Variants in SRP9 observed in about 807,000 individuals in gnomAD.
SRP9 encodes the protein signal recognition particle 9 kDa protein.
SRP9 carries 2 observed loss-of-function variants against 11.7 expected under a neutral mutation model. The ratio of observed to expected loss-of-function variants is 0.17; its 90% CI spans 0.07 to 0.54. SRP9 has a LOEUF of 0.54. Among genes scored for constraint, SRP9 ranks in the 20% least tolerant of loss-of-function variants. The pLI is 0.94. For missense variants in SRP9, 54 were observed against 108.1 expected, an observed-to-expected ratio of 0.50 and a Z score of 2.22; for synonymous variants, 27 against 35.6, an observed-to-expected ratio of 0.76 and a Z score of 0.86.
At chr1:225,782,308 C>T (rs1443007110) in intron 1 of SRP9, among the ~76,000 whole-genome samples, 2 of 152,064 alleles carry the variant, frequency 1.3e-5, no homozygotes, top group East Asian at 1.9e-4. Context: ...GGACTGCAGG[C>T]ACTCATCACC....
intron 2 of SRP9, among the ~76,000 whole-genome samples, chr1:225,787,975 A>G (rs961967423): frequency 3.3e-5 from 5 of 152,236 alleles, no homozygotes; most frequent in African/African-American, 1.2e-4. Flanking sequence ...TTATAGGATC[A>G]TTAGTTCCTG....
At position 225,777,859 on chromosome 1, in the gene SRP9, G is replaced by T; in HGVS notation, c.-82G>T. On this transcript the variant is annotated 5_prime_UTR_variant, in exon 1 of 3. Coordinates refer to ENST00000304786, the MANE Select transcript of SRP9 (RefSeq NM_003133.6). ...CTTGGGGCTGCTGGGACTCGCGTCG[G>T]TTGGCGACTCCCGGACGTAGGTAGT... 1.5e-6 allele frequency: 2 copies of T among 1,379,002 alleles called. No individual in the cohort carries two copies. The highest frequency in any genetic ancestry group is 1.2e-5 in the South Asian group (1 of 82,308). The allele number at this position is 1,379,002 out of a possible 1,614,324, so 85.4% of individuals were successfully genotyped here. A position where few individuals can be genotyped will look rare whatever the true frequency, so the allele number is the denominator to read the frequency against.
chr1:225,784,399 A>G (rs1358021826), intron 2 of SRP9, among the ~76,000 whole-genome samples: 2 of 144,790 alleles, frequency 1.4e-5, no homozygotes, highest in African/African-American at 5.1e-5. Flanking sequence ...GGCACCCACC[A>G]CCACGCCCAG....
rs113385291 is a variant in SRP9 at position 225,781,386 on chromosome 1, T to G, written c.73-1914T>G. On this transcript the variant is annotated intron_variant, in intron 1 of 2. Coordinates refer to ENST00000304786, the MANE Select transcript of SRP9 (RefSeq NM_003133.6). The stretch of plus-strand genomic sequence containing the variant: ...TATAAACACGATTGGCCTTTTTTCT[T>G]TTCTTTTTCTTTTTTTTTTTTTTTT... Among the ~76,000 whole-genome samples, 48 of 137,976 alleles carry G rather than the reference T, an allele frequency of 3.5e-4. 2 individuals are homozygous for G. The highest frequency in any genetic ancestry group is 1.3e-3 in the African/African-American group (48 of 36,520). 90.5% of individuals were successfully genotyped at this position (137,976 alleles called of 152,430 possible). A position where few individuals can be genotyped will look rare whatever the true frequency, so the allele number is the denominator to read the frequency against.
At chr1:225,787,848 AT>A (rs1483670830) in intron 2 of SRP9, among the ~76,000 whole-genome samples, 1 of 152,176 alleles carries the variant, frequency 6.6e-6, no homozygotes, top group African/African-American at 2.4e-5. Flanking sequence ...TGCCGCACAA[AT>A]TTGTACAATG....
chr1:225,786,513 G>A (rs1463531101), intron 2 of SRP9, among the ~76,000 whole-genome samples: 2 of 152,178 alleles, frequency 1.3e-5, no homozygotes, highest in African/African-American at 4.8e-5. Context: ...ATTATGATGA[G>A]ACTGCATGAA....
intron 2 of SRP9, 33 bp from the exon 3 acceptor site, chr1:225,789,207 A>G (rs1193425673): frequency 5.0e-6 from 8 of 1,596,706 alleles, no homozygotes; most frequent in Non-Finnish European, 6.0e-6. Flanking sequence ...CTAGTTTTAT[A>G]TAGTTAATAT....
Position 225,777,886 on chromosome 1 carries a change from T to G in SRP9, c.-55T>G. On this transcript the variant is annotated 5_prime_UTR_variant, in exon 1 of 3. Coordinates refer to ENST00000304786, the MANE Select transcript of SRP9 (RefSeq NM_003133.6). Reference sequence around the variant, plus strand: ...TGGCGACTCCCGGACGTAGGTAGTTTGTTGGGCCGGGTTCTGAGGCCTTGC... The same window carrying G: ...TGGCGACTCCCGGACGTAGGTAGTTGGTTGGGCCGGGTTCTGAGGCCTTGC... 35 of 1,541,568 alleles carry G rather than the reference T, an allele frequency of 2.3e-5. No homozygotes were observed. The highest frequency in any genetic ancestry group is 3.0e-5 in the Non-Finnish European group (34 of 1,121,810).
At chr1:225,780,586 T>C (rs1219994839) in intron 1 of SRP9, among the ~76,000 whole-genome samples, 1 of 152,228 alleles carries the variant, frequency 6.6e-6, no homozygotes, top group Non-Finnish European at 1.5e-5. Context: ...CATCAAAGTA[T>C]ATAAATGAAT....
rs2102654121 is a variant in SRP9, at chr1:225,790,150, G to T, written c.*791G>T. The T allele has an allele frequency of 6.6e-6, 1 of 152,248 alleles. No homozygotes were observed. The highest frequency in any genetic ancestry group is 2.1e-4 in the South Asian group (1 of 4,822). 9.4% of individuals were successfully genotyped at this position (152,248 alleles called of 1,614,324 possible). ...TCTCAGAAGGGCTATGGATTAGTTTGAACTGTCAAATCCTTGCATACTTCT... is the reference window on the plus strand; with the variant it reads ...TCTCAGAAGGGCTATGGATTAGTTTTAACTGTCAAATCCTTGCATACTTCT... On this transcript the variant is annotated 3_prime_UTR_variant, in exon 3 of 3. Transcript: ENST00000304786.
chr1:225,784,831 G>GACTCCATCTCA (rs1262752985), intron 2 of SRP9, among the ~76,000 whole-genome samples: 2 of 151,952 alleles, frequency 1.3e-5, no homozygotes, highest in African/African-American at 4.8e-5. Flanking sequence ...GACACAGCAA[G>GACTCCATCTCA]ACTCCATCTC....
At chr1:225,786,745 A>G in intron 2 of SRP9, 1 of 1,166,604 alleles carries the variant, frequency 8.6e-7, no homozygotes, top group Non-Finnish European at 1.1e-6. Flanking sequence ...AAAGTATCAT[A>G]GTGATAGTAA....
rs952561616 is a variant in SRP9, at chr1:225,789,447, T to C, written c.*88T>C. On this transcript the variant is annotated 3_prime_UTR_variant, in exon 3 of 3. Coordinates refer to ENST00000304786, the MANE Select transcript of SRP9 (RefSeq NM_003133.6). The stretch of plus-strand genomic sequence containing the variant: ...GTGTTGGGACAGAAAGTACTTTATG[T>C]AACTAAGTGGGCTGTTCAGAAGCTT... 6.9e-7 allele frequency: 1 copy of C among 1,446,776 alleles called. No homozygotes were observed. The highest frequency in any genetic ancestry group is 9.3e-7 in the Non-Finnish European group (1 of 1,072,256). The allele number at this position is 1,446,776 out of a possible 1,614,324, so 89.6% of individuals were successfully genotyped here.
chr1:225,786,879 A>C (rs1161553517), intron 2 of SRP9: 1 of 1,181,044 alleles, frequency 8.5e-7, no homozygotes, highest in East Asian at 5.8e-5. Flanking sequence ...GTCTTGCTCT[A>C]TTGCTCAGGC....
At chr1:225,781,125 A>C (rs903147379) in intron 1 of SRP9, among the ~76,000 whole-genome samples, 3 of 152,164 alleles carry the variant, frequency 2.0e-5, no homozygotes, top group African/African-American at 7.2e-5. Flanking sequence ...GCCTTCTTCT[A>C]TAAGGTTAAA....
intron 1 of SRP9, among the ~76,000 whole-genome samples, chr1:225,780,566 T>TA (rs1665775861): frequency 6.6e-6 from 1 of 152,214 alleles, no homozygotes; most frequent in African/African-American, 2.4e-5. Flanking sequence ...TATGAACAAT[T>TA]ACAGCAACCC....
chr1:225,789,141 G>C (rs1263674473), intron 2 of SRP9, 99 bp from the exon 3 acceptor site: 1 of 1,551,442 alleles, frequency 6.4e-7, no homozygotes, highest in African/African-American at 1.4e-5. Context: ...GCAAAACAGT[G>C]GTAGGAAAAA....
At chr1:225,786,880 T>C (rs1326220712) in intron 2 of SRP9, 1 of 1,181,204 alleles carries the variant, frequency 8.5e-7, no homozygotes, top group African/African-American at 1.6e-5. Flanking sequence ...TCTTGCTCTA[T>C]TGCTCAGGCT....
At chr1:225,789,127 T>C in intron 2 of SRP9, 113 bp from the exon 3 acceptor site, 1 of 1,551,752 alleles carries the variant, frequency 6.4e-7, no homozygotes, top group South Asian at 1.2e-5. Context: ...CCAAGGAGAA[T>C]AGAGCAAAAC....
Sources: allele counts gnomAD v4.1 joint callset (sites outside exome capture counted in the v4.1 genomes callset), GRCh38; gene constraint gnomAD v4.1.1; transcripts MANE v1.5; gene names NCBI Gene and HGNC (gene_info 2026-07-23, HGNC 2026-07-21).